ERLIN2: variants seen among roughly 807,000 people sequenced by gnomAD.
ERLIN2 encodes erlin-2.
ERLIN2 carries 22 observed loss-of-function variants against 41.5 expected under a neutral mutation model. The observed-to-expected ratio is 0.53, with a 90% CI of 0.38 to 0.76. The LOEUF (loss-of-function observed/expected upper bound fraction) is 0.76. ERLIN2 is among the 30% of genes least tolerant of loss of function. The pLI is 0.00. For synonymous variants in ERLIN2, 149 were observed against 150.9 expected (o/e 0.99, Z 0.09); for missense variants, 247 against 414.3 (o/e 0.60, Z 3.51).
In ERLIN2 at chr8:37,745,038, A is replaced by G. The variant is rs554451900; in HGVS notation, c.424+342A>G. 4 of 592,172 alleles carry G rather than the reference A, an allele frequency of 6.8e-6. No individual in the cohort carries two copies. In the East Asian group the frequency reaches 1.1e-4, roughly 16 times the overall value. The allele number at this position is 592,172 out of a possible 1,614,324, so 36.7% of individuals were successfully genotyped here. A position where few individuals can be genotyped will look rare whatever the true frequency, so the allele number is the denominator to read the frequency against. ...ACAAGGTCCATTCTAGAAGAACCTTAGAGATTGTCCAGACCAGCATCCTCA... is the reference window on the plus strand; with the variant it reads ...ACAAGGTCCATTCTAGAAGAACCTTGGAGATTGTCCAGACCAGCATCCTCA... On this transcript the variant is annotated intron_variant, in intron 6 of 11. Coordinates refer to ENST00000519638, the MANE Select transcript of ERLIN2 (RefSeq NM_007175.8).
intron 1 of ERLIN2, chr8:37,737,520 C>T (rs1802693546): frequency 3.8e-6 from 1 of 261,746 alleles, no homozygotes; most frequent in East Asian, 9.5e-5. Flanking sequence ...CATTTGGCAT[C>T]CTCTGTAATT....
chr8:37,736,985 A>C, intron 1 of ERLIN2: 1 of 985,902 alleles, frequency 1.0e-6, no homozygotes, highest in Non-Finnish European at 1.2e-6. Flanking sequence ...GCAACTGCAG[A>C]TCGGTAGCCG....
In ERLIN2 at chr8:37,754,504, C is replaced by G. The variant is rs546884911; in HGVS notation, c.*389C>G. ...GGAAAATGCAGTCCAGTGTTCTCAC[C>G]TCTGCCTCCAAGGTAGGAGATGTCT... is the stretch of plus-strand genomic sequence containing the variant. On this transcript the variant is annotated 3_prime_UTR_variant, in exon 12 of 12. Coordinates refer to ENST00000519638, the MANE Select transcript of ERLIN2 (RefSeq NM_007175.8). 1 of 304,040 alleles carries G rather than the reference C, an allele frequency of 3.3e-6. No homozygotes were observed. Among genetic ancestry groups the G allele is most frequent in the African/African-American group, 2.2e-5 (1 of 46,198 alleles). 18.8% of individuals were successfully genotyped at this position (304,040 alleles called of 1,614,324 possible).
chr8:37,747,666 G>A, intron 6 of ERLIN2: 1 of 1,597,828 alleles, frequency 6.3e-7, no homozygotes, highest in Admixed American at 1.7e-5. Flanking sequence ...CATCCACAAT[G>A]AAGGTAACGG....
chr8:37,747,316 G>A (rs756292450), intron 6 of ERLIN2: 20 of 1,004,460 alleles, frequency 2.0e-5, no homozygotes, highest in Non-Finnish European at 3.0e-5. Flanking sequence ...TCCAGTCTAG[G>A]GCTCAGAAAA....
At chr8:37,739,615 C>T (rs976422772) in intron 2 of ERLIN2, among the ~76,000 whole-genome samples, 6 of 151,806 alleles carry the variant, frequency 4.0e-5, no homozygotes, top group Admixed American at 2.0e-4. Context: ...GCTGGGATTA[C>T]AGGTGCCTGC....
intron 6 of ERLIN2, chr8:37,747,673 A>G (rs778485251): frequency 1.3e-6 from 2 of 1,595,960 alleles, no homozygotes; most frequent in Non-Finnish European, 1.7e-6. Context: ...AATGAAGGTA[A>G]CGGGAGCATT....
rs1803187988 is a variant in ERLIN2, at chr8:37,750,286, A to G, written c.558-109A>G. The G allele has an allele frequency of 4.9e-6, 4 of 812,000 alleles. No individual in the cohort carries two copies. The South Asian group carries it at 5.8e-5, about 12-fold the overall frequency. 50.3% of individuals were successfully genotyped at this position (812,000 alleles called of 1,614,324 possible). On this transcript the variant is annotated intron_variant, in intron 8 of 11. Transcript: ENST00000519638. ...GGCCATCGAACAGCCTTCCAGGAGG[A>G]GTAGGAAATGGGAGTTTGCCTCTCT...
At chr8:37,745,729 T>TA in intron 6 of ERLIN2, 1 of 1,549,222 alleles carries the variant, frequency 6.5e-7, no homozygotes, top group Admixed American at 2.0e-5. Context: ...AAATTACTTT[T>TA]AATGTTTCTG....
intron 2 of ERLIN2, among the ~76,000 whole-genome samples, chr8:37,738,953 A>C (rs1241395318): frequency 1.3e-5 from 2 of 152,234 alleles, no homozygotes; most frequent in African/African-American, 4.8e-5. Context: ...CGTCAATCAA[A>C]GCAAGCCTTA....
Position 37,740,439 on chromosome 8 carries a change from C to T in ERLIN2, c.182C>T (p.Ser61Phe), listed in dbSNP as rs1308323272. The T allele has an allele frequency of 6.2e-7, 1 of 1,612,370 alleles. No homozygotes were observed. The highest frequency in any genetic ancestry group is 8.5e-7 in the Non-Finnish European group (1 of 1,178,790). Reference protein sequence around the residue: ...LMLPFITSYKSVQTTLQTDEV... With the variant: ...LMLPFITSYKFVQTTLQTDEV... ...CTCCCTTTCATCACATCATATAAGT[C>T]TGTGCAGGTATGCTTGGCCTCTGTG... The change falls in exon 3 of 12, where the codon TCT becomes TTT. Residue 61 changes from serine to phenylalanine, a missense_variant. Around this residue, in one of 3 missense-constraint regions of ERLIN2, gnomAD observed 93 missense variants for 139.0 expected, o/e 0.67. Transcript: ENST00000519638.
In ERLIN2 at chr8:37,757,019, A is replaced by G. The variant is rs1232809796; in HGVS notation, c.*2904A>G. 6.6e-6 allele frequency: 1 copy of G among 152,228 alleles called. No homozygotes were observed. Among genetic ancestry groups the G allele is most frequent in the East Asian group, 1.9e-4 (1 of 5,206 alleles). The allele number at this position is 152,228 out of a possible 1,614,324, so 9.4% of individuals were successfully genotyped here. ...ATAATTTTTATATAACTAAAATAAA[A>G]TAGATGTGGAGGGATCTGTGATCAT... is the stretch of plus-strand genomic sequence containing the variant. On this transcript the variant is annotated 3_prime_UTR_variant, in exon 12 of 12. Transcript: ENST00000519638.
At chr8:37,746,236 A>G (rs1803044579) in intron 6 of ERLIN2, 1 of 985,798 alleles carries the variant, frequency 1.0e-6, no homozygotes, top group Non-Finnish European at 1.2e-6. Context: ...TCCTTCTCTC[A>G]GGACTCTTAT....
In ERLIN2 at chr8:37,754,499, CTCACCTCTGCCTCCAAGGT is replaced by C. The variant is rs1803310474; in HGVS notation, c.*385_*403del. 9.6e-6 allele frequency: 3 copies of C among 311,802 alleles called. No homozygotes were observed. Among genetic ancestry groups the C allele is most frequent in the Non-Finnish European group, 1.9e-5 (3 of 160,304 alleles). The allele number at this position is 311,802 out of a possible 1,614,324, so 19.3% of individuals were successfully genotyped here. A position where few individuals can be genotyped will look rare whatever the true frequency, so the allele number is the denominator to read the frequency against. On this transcript the variant is annotated 3_prime_UTR_variant, in exon 12 of 12. Transcript: ENST00000519638. ...ACTTGGGAAAATGCAGTCCAGTGTT[CTCACCTCTGCCTCCAAGGT>C]AGGAGATGTCTGTGGGTGAGGCTCA...
rs776398153 is a variant in ERLIN2, at chr8:37,754,112, T to C, written c.1017T>C (p.Asn339=). 10 of 1,612,198 alleles carry C rather than the reference T, an allele frequency of 6.2e-6. No homozygotes were observed. Among genetic ancestry groups the C allele is most frequent in the Admixed American group, 1.7e-5 (1 of 59,958 alleles). The stretch of plus-strand genomic sequence containing the variant: ...CCTTGGAGACGGCCACTAAGGAGAA[T>C]TGAAAAAAACTTGATATGACTGCAA... The part of the protein sequence containing the change: ...DEPLETATKE[N] Residue 339 remains asparagine, a synonymous_variant, in exon 12 of 12, where the codon AAT becomes AAC. Coordinates refer to ENST00000519638, the MANE Select transcript of ERLIN2 (RefSeq NM_007175.8).
intron 6 of ERLIN2, 53 bp downstream of exon 6, chr8:37,744,749 C>A (rs754271424): frequency 6.2e-7 from 1 of 1,603,732 alleles, no homozygotes; most frequent in Admixed American, 1.7e-5. Context: ...CCTGGAACCC[C>A]GCGTCTCTCC....
chr8:37,752,462 T>C (rs1209615433), intron 10 of ERLIN2, among the ~76,000 whole-genome samples: 4 of 152,242 alleles, frequency 2.6e-5, no homozygotes, highest in Non-Finnish European at 5.9e-5. Context: ...CACAGATCAG[T>C]GGCTCCTCAT....
rs1563319458 is a variant in ERLIN2, at chr8:37,756,164, G to A, written c.*2049G>A. On this transcript the variant is annotated 3_prime_UTR_variant, in exon 12 of 12. Coordinates refer to ENST00000519638, the MANE Select transcript of ERLIN2 (RefSeq NM_007175.8). ...AGATCATGCCATCCCACTCTAGCTT[G>A]GGCAATAGAGCAAGGCTCCGTCTCA... The A allele has an allele frequency of 6.6e-6, 1 of 152,168 alleles. No individual in the cohort carries two copies. Among genetic ancestry groups the A allele is most frequent in the Admixed American group, 6.5e-5 (1 of 15,270 alleles). 9.4% of individuals were successfully genotyped at this position (152,168 alleles called of 1,614,324 possible). A position where few individuals can be genotyped will look rare whatever the true frequency, so the allele number is the denominator to read the frequency against.
At chr8:37,746,578 T>C in intron 6 of ERLIN2, 1 of 930,448 alleles carries the variant, frequency 1.1e-6, no homozygotes, top group Non-Finnish European at 1.3e-6. Context: ...CTATCATTTA[T>C]TAATCTATAA....
Sources: allele counts gnomAD v4.1 joint callset (sites outside exome capture counted in the v4.1 genomes callset), GRCh38; gene constraint gnomAD v4.1.1; regional missense constraint gnomAD v4.1.1; transcripts MANE v1.5; gene names NCBI Gene and HGNC (gene_info 2026-07-23, HGNC 2026-07-21).